Variants in PIAS1 observed in about 807,000 individuals in gnomAD.
PIAS1 encodes E3 SUMO-protein ligase PIAS1.
PIAS1 carries 6 observed loss-of-function variants against 71.3 expected under a neutral mutation model. That is an observed-to-expected ratio of 0.08 (90% CI 0.05 to 0.17). The LOEUF (loss-of-function observed/expected upper bound fraction) is 0.17. PIAS1 is among the 10% of genes least tolerant of loss of function. The pLI is 1.00. For synonymous variants in PIAS1, 303 were observed against 292.9 expected, an observed-to-expected ratio of 1.03 and a Z score of -0.35; for missense variants, 555 against 793.6, an observed-to-expected ratio of 0.70 and a Z score of 3.61.
intron 7 of PIAS1, among the ~76,000 whole-genome samples, chr15:68,155,032 G>T (rs2092877438): frequency 6.6e-6 from 1 of 152,136 alleles, no homozygotes; most frequent in Non-Finnish European, 1.5e-5. Context: ...ATGGAAGAGG[G>T]AATACCAAGA....
At chr15:68,067,570 A>G (rs2092042475) in intron 1 of PIAS1, among the ~76,000 whole-genome samples, 1 of 152,104 alleles carries the variant, frequency 6.6e-6, no homozygotes. Flanking sequence ...AGGTCATTGT[A>G]AACTTTCTGT....
At chr15:68,134,995 G>A (rs1292892135) in intron 2 of PIAS1, among the ~76,000 whole-genome samples, 6 of 49,050 alleles carry the variant, frequency 1.2e-4, no homozygotes, top group African/African-American at 2.5e-4. Context: ...CCTCCCGGAC[G>A]GGGCGGCTGG....
intron 6 of PIAS1, among the ~76,000 whole-genome samples, chr15:68,147,824 C>T (rs1359333771): frequency 6.6e-6 from 1 of 152,130 alleles, no homozygotes; most frequent in Non-Finnish European, 1.5e-5. Flanking sequence ...GATTCTGAAG[C>T]CACCATTGTT....
intron 1 of PIAS1, among the ~76,000 whole-genome samples, chr15:68,062,171 T>G (rs2091966771): frequency 6.6e-6 from 1 of 152,218 alleles, no homozygotes; most frequent in African/African-American, 2.4e-5. Context: ...TATCAAGGGC[T>G]GTTTTAGATT....
intron 1 of PIAS1, among the ~76,000 whole-genome samples, chr15:68,063,337 C>A (rs1022621214): frequency 1.3e-5 from 2 of 152,114 alleles, no homozygotes; most frequent in African/African-American, 2.4e-5. Context: ...CAAGTCTAAT[C>A]TTAAAGATTG....
At chr15:68,056,571 CTG>C (rs1474009371) in intron 1 of PIAS1, among the ~76,000 whole-genome samples, 4 of 150,742 alleles carry the variant, frequency 2.7e-5, no homozygotes, top group Middle Eastern at 3.4e-3. Context: ...ATTATAATAA[CTG>C]TTTTGACATG....
Position 68,054,631 on chromosome 15 carries a change from T to G in PIAS1, c.24+281T>G, listed in dbSNP as rs989267696. 2.8e-6 allele frequency: 1 copy of G among 356,814 alleles called. No homozygotes were observed. The highest frequency in any genetic ancestry group is 5.1e-6 in the Non-Finnish European group (1 of 197,958). The allele number at this position is 356,814 out of a possible 1,614,324, so 22.1% of individuals were successfully genotyped here. A position where few individuals can be genotyped will look rare whatever the true frequency, so the allele number is the denominator to read the frequency against. Reference sequence around the variant, plus strand: ...GGGGAAGAGATAGGGAGTCCGGAGGTAGGGGCTGCAGCTGTCTCATGGGCT... The same window carrying G: ...GGGGAAGAGATAGGGAGTCCGGAGGGAGGGGCTGCAGCTGTCTCATGGGCT... On this transcript the variant is annotated intron_variant, in intron 1 of 13. Coordinates refer to ENST00000249636, the MANE Select transcript of PIAS1 (RefSeq NM_016166.3). The surrounding 1 kb of genome is among the most constrained non-coding windows in gnomAD (Gnocchi z 4.6).
chr15:68,091,836 C>T (rs1243809560), intron 2 of PIAS1, among the ~76,000 whole-genome samples: 1 of 152,146 alleles, frequency 6.6e-6, no homozygotes, highest in Non-Finnish European at 1.5e-5. Flanking sequence ...TATTGAATAT[C>T]GTACTGAAGT....
At chr15:68,131,521 G>A (rs750748454) in intron 2 of PIAS1, among the ~76,000 whole-genome samples, 22 of 151,624 alleles carry the variant, frequency 1.5e-4, no homozygotes, top group Non-Finnish European at 2.5e-4. Flanking sequence ...ACCATATCTG[G>A]TAACCACCAT....
At chr15:68,122,721 T>TG (rs1194362733) in intron 2 of PIAS1, among the ~76,000 whole-genome samples, 1 of 152,164 alleles carries the variant, frequency 6.6e-6, no homozygotes, top group Non-Finnish European at 1.5e-5. Flanking sequence ...CTTCATAAAG[T>TG]GGGGAACAAA....
chr15:68,164,271 C>T (rs1424042145), intron 7 of PIAS1, among the ~76,000 whole-genome samples: 1 of 151,954 alleles, frequency 6.6e-6, no homozygotes, highest in Non-Finnish European at 1.5e-5. Context: ...AGCTGTTTTA[C>T]AGTAAATATT....
chr15:68,057,013 G>A (rs2091903453), intron 1 of PIAS1, among the ~76,000 whole-genome samples: 1 of 151,970 alleles, frequency 6.6e-6, no homozygotes, highest in South Asian at 2.1e-4. Context: ...ATTATTTTAG[G>A]TTTCAGCCCC....
At chr15:68,124,346 T>G (rs2092634592) in intron 2 of PIAS1, among the ~76,000 whole-genome samples, 3 of 152,128 alleles carry the variant, frequency 2.0e-5, no homozygotes, top group African/African-American at 7.2e-5. Context: ...TTTGGCCCAT[T>G]TACCACAGTC....
In PIAS1 at chr15:68,190,948, A is replaced by AAT. The variant is rs1485678285; in HGVS notation, c.*3118_*3119dup. The AAT allele has an allele frequency of 1.3e-5, 2 of 152,346 alleles. No homozygotes were observed. 9.4% of individuals were successfully genotyped at this position (152,346 alleles called of 1,614,324 possible). A position where few individuals can be genotyped will look rare whatever the true frequency, so the allele number is the denominator to read the frequency against. On this transcript the variant is annotated 3_prime_UTR_variant, in exon 14 of 14. Transcript: ENST00000249636. This position sits in a 1 kb window ranked among gnomAD's most constrained non-coding sequence, Gnocchi z 4.7. ...AGTCAAGTGTCTGAAATGGAGTGAA[A>AAT]ATATATCCTAACTAAATTAATGTGG...
rs1238479838 is a variant in PIAS1 at position 68,171,097 on chromosome 15, A to AT, written c.1009-2629dup. Among the ~76,000 whole-genome samples, 1 of 152,048 alleles carries AT rather than the reference A, an allele frequency of 6.6e-6. No individual in the cohort carries two copies. Among genetic ancestry groups the AT allele is most frequent in the East Asian group, 1.9e-4 (1 of 5,202 alleles). On this transcript the variant is annotated intron_variant, in intron 8 of 13. Transcript: ENST00000249636. The surrounding 1 kb of genome is among the most constrained non-coding windows in gnomAD (Gnocchi z 4.4). ...CTATAAGCTTTTTTCTATTTTTAAC[A>AT]TTTTTTACTTTTATTTTCTACTTTT...
intron 2 of PIAS1, among the ~76,000 whole-genome samples, chr15:68,119,941 C>G (rs2092599562): frequency 6.6e-6 from 1 of 152,182 alleles, no homozygotes; most frequent in African/African-American, 2.4e-5. Context: ...TCTACTTTCT[C>G]TGACAGCTTT....
chr15:68,160,502 C>T (rs1014900766), intron 7 of PIAS1, among the ~76,000 whole-genome samples: 4 of 152,038 alleles, frequency 2.6e-5, no homozygotes, highest in African/African-American at 4.8e-5. Context: ...TCTTAATTAC[C>T]GTAGCTTGAT....
intron 2 of PIAS1, among the ~76,000 whole-genome samples, chr15:68,117,552 C>G (rs958625789): frequency 6.6e-6 from 1 of 152,218 alleles, no homozygotes; most frequent in Non-Finnish European, 1.5e-5. Flanking sequence ...TACCCCTATT[C>G]TATTCTCTAC....
At chr15:68,075,173 C>T (rs1188181507) in intron 1 of PIAS1, among the ~76,000 whole-genome samples, 1 of 149,408 alleles carries the variant, frequency 6.7e-6, no homozygotes, top group Non-Finnish European at 1.5e-5. Flanking sequence ...CAACCTCCGC[C>T]CCCCCAGGTT....
Sources: gnomAD v4.1 joint callset for allele counts (sites outside exome capture counted in the v4.1 genomes callset) on GRCh38, gnomAD v4.1.1 for gene constraint, Gnocchi (gnomAD v3.1) non-coding constraint, MANE v1.5 for transcripts, NCBI Gene and HGNC (gene_info 2026-07-23, HGNC 2026-07-21) for gene names.